The following ADAM22 variants were observed in gnomAD, a reference collection of about 807,000 sequenced individuals.
The protein encoded by ADAM22 is disintegrin and metalloproteinase domain-containing protein 22.
A neutral mutation model predicts 144.6 loss-of-function variants in ADAM22; 65 were observed. That is an observed-to-expected ratio of 0.45 (90% CI 0.37 to 0.55). The LOEUF (loss-of-function observed/expected upper bound fraction) is 0.55. Among genes scored for constraint, ADAM22 ranks in the 20% least tolerant of loss-of-function variants. The probability of loss-of-function intolerance (pLI) is 0.00; values close to 1 mark genes in which losing one functional copy is unlikely to be tolerated. For synonymous variants in ADAM22, 391 were observed against 412.6 expected (o/e 0.95, Z 0.63); for missense variants, 974 against 1,184.9 (o/e 0.82, Z 2.61).
At chr7:88,091,213 A>G (rs369366290) in intron 4 of ADAM22, among the ~76,000 whole-genome samples, 2 of 152,064 alleles carry the variant, frequency 1.3e-5, no homozygotes, top group African/African-American at 4.8e-5. Flanking sequence ...GGAAGAGTTA[A>G]CCTTTTCTCC....
intron 2 of ADAM22, among the ~76,000 whole-genome samples, chr7:87,973,846 C>G (rs755691906): frequency 1.3e-5 from 2 of 151,934 alleles, no homozygotes; most frequent in Non-Finnish European, 2.9e-5. Context: ...GGACAAAAAA[C>G]CAAACACCGC....
intron 2 of ADAM22, among the ~76,000 whole-genome samples, chr7:87,966,329 T>G (rs1041829945): frequency 6.6e-6 from 1 of 152,344 alleles, no homozygotes; most frequent in Middle Eastern, 3.4e-3. Flanking sequence ...CTATATTGTG[T>G]TGTTCTCAGA....
chr7:88,176,728 T>C (rs991759101), intron 26 of ADAM22, among the ~76,000 whole-genome samples: 1 of 152,150 alleles, frequency 6.6e-6, no homozygotes, highest in African/African-American at 2.4e-5. Context: ...TCAGTGCTCT[T>C]GTATAATAGC....
At position 88,201,837 on chromosome 7, in the gene ADAM22, T is replaced by C. The variant is rs1851226594; in HGVS notation, c.*5346T>C. On this transcript the variant is annotated 3_prime_UTR_variant, in exon 32 of 32. Transcript: ENST00000413139. ...CATCAATAAAGTTTCAAAGAGTTTA[T>C]GAAGAAAAGGTATTTTCCTTTCTTG... 1 of 152,230 alleles carries C rather than the reference T, an allele frequency of 6.6e-6. No homozygotes were observed. Among genetic ancestry groups the C allele is most frequent in the Non-Finnish European group, 1.5e-5 (1 of 68,042 alleles). 9.4% of individuals were successfully genotyped at this position (152,230 alleles called of 1,614,324 possible).
chr7:88,036,285 G>A (rs761431415), intron 3 of ADAM22, among the ~76,000 whole-genome samples: 36 of 152,170 alleles, frequency 2.4e-4, no homozygotes, highest in Non-Finnish European at 3.5e-4. Context: ...TTGATGCAAG[G>A]TTTATTGCCC....
At chr7:88,111,103 G>T (rs529325167) in intron 5 of ADAM22, among the ~76,000 whole-genome samples, 2 of 151,810 alleles carry the variant, frequency 1.3e-5, no homozygotes. Flanking sequence ...AAAACCTATC[G>T]TGTGTCTTGG....
chr7:88,034,811 C>T (rs1281882016), intron 3 of ADAM22, among the ~76,000 whole-genome samples: 8 of 152,266 alleles, frequency 5.3e-5, no homozygotes, highest in East Asian at 1.9e-4. Flanking sequence ...TGAATTCCAA[C>T]GCAAAGTCCC....
intron 3 of ADAM22, among the ~76,000 whole-genome samples, chr7:88,040,021 C>T (rs1802713703): frequency 6.6e-6 from 1 of 151,998 alleles, no homozygotes. Context: ...TAGATATTTG[C>T]TAAGCCTGAC....
chr7:88,198,479 A>C lies in ADAM22; in HGVS notation c.*1988A>C, dbSNP rs1449732367. 6.6e-6 allele frequency: 1 copy of C among 152,240 alleles called. No individual in the cohort carries two copies. Among genetic ancestry groups the C allele is most frequent in the Non-Finnish European group, 1.5e-5 (1 of 68,052 alleles). 9.4% of individuals were successfully genotyped at this position (152,240 alleles called of 1,614,324 possible). A position where few individuals can be genotyped will look rare whatever the true frequency, so the allele number is the denominator to read the frequency against. On this transcript the variant is annotated 3_prime_UTR_variant, in exon 32 of 32. Transcript: ENST00000413139. ...GTGTTGCCACATAGCTCAAGCCAAG[A>C]ACAGAAGGGCAGACAGATTGAAAGA...
intron 3 of ADAM22, among the ~76,000 whole-genome samples, chr7:88,022,633 T>A (rs950548774): frequency 4.6e-5 from 7 of 152,286 alleles, no homozygotes; most frequent in Admixed American, 3.9e-4. Flanking sequence ...GAAATTTAAT[T>A]TTTTTCATAT....
chr7:88,072,394 A>G (rs1230698458), intron 3 of ADAM22, among the ~76,000 whole-genome samples: 4 of 152,122 alleles, frequency 2.6e-5, no homozygotes, highest in African/African-American at 9.7e-5. Flanking sequence ...AGATTTTATT[A>G]TTATTATTAT....
chr7:88,141,918 A>G (rs1834806851), intron 14 of ADAM22, among the ~76,000 whole-genome samples: 1 of 152,216 alleles, frequency 6.6e-6, no homozygotes, highest in South Asian at 2.1e-4. Flanking sequence ...AAAAATTTCT[A>G]AAAGTAGAAT....
chr7:88,116,319 T>TGG (rs1453058811), intron 6 of ADAM22, among the ~76,000 whole-genome samples: 13 of 152,198 alleles, frequency 8.5e-5, no homozygotes, highest in Non-Finnish European at 4.4e-5. Context: ...TTTGGACATT[T>TGG]ACTTATACCA....
chr7:88,082,815 G>A (rs527499953), intron 4 of ADAM22, among the ~76,000 whole-genome samples: 102 of 151,968 alleles, frequency 6.7e-4, no homozygotes, highest in South Asian at 4.4e-3. Context: ...TTAGAATGGC[G>A]ATCATTAAAA....
intron 2 of ADAM22, among the ~76,000 whole-genome samples, chr7:87,974,134 A>T (rs899428826): frequency 2.0e-5 from 3 of 150,954 alleles, no homozygotes; most frequent in Non-Finnish European, 4.4e-5. Flanking sequence ...TCTCTACTAA[A>T]AAGAAAAAAA....
intron 3 of ADAM22, among the ~76,000 whole-genome samples, chr7:87,993,428 T>C (rs1163093435): frequency 2.0e-5 from 3 of 152,232 alleles, no homozygotes; most frequent in African/African-American, 7.2e-5. Context: ...ATGCTGTAAA[T>C]AGAAGAATAA....
At chr7:88,036,312 A>G (rs535875818) in intron 3 of ADAM22, among the ~76,000 whole-genome samples, 1 of 152,244 alleles carries the variant, frequency 6.6e-6, no homozygotes, top group Admixed American at 6.5e-5. Flanking sequence ...AAGTTCAGAA[A>G]TCCTCTAGTG....
chr7:87,957,442 T>G (rs1422803885), intron 2 of ADAM22, among the ~76,000 whole-genome samples: 1 of 152,148 alleles, frequency 6.6e-6, no homozygotes, highest in Non-Finnish European at 1.5e-5. Context: ...CAAAATTTAG[T>G]GTGGTTTGTT....
In ADAM22 at chr7:88,136,034, G is replaced by A; in HGVS notation, c.1220+3G>A. On this transcript the variant is annotated splice_donor_region_variant and intron_variant, in intron 14 of 31. Coordinates refer to ENST00000413139, the MANE Select transcript of ADAM22 (RefSeq NM_001324418.2). ...GGGTGCATAATGGGAGACACTGGGTGAGCCACTTGTATTTGAAAATAACTC... is the reference window on the plus strand; with the variant it reads ...GGGTGCATAATGGGAGACACTGGGTAAGCCACTTGTATTTGAAAATAACTC... 2 of 1,611,352 alleles carry A rather than the reference G, an allele frequency of 1.2e-6. No homozygotes were observed. Among genetic ancestry groups the A allele is most frequent in the Non-Finnish European group, 1.7e-6 (2 of 1,178,516 alleles).
Sources: allele counts gnomAD v4.1 joint callset (sites outside exome capture counted in the v4.1 genomes callset), GRCh38; gene constraint gnomAD v4.1.1; transcripts MANE v1.5; gene names NCBI Gene and HGNC (gene_info 2026-07-23, HGNC 2026-07-21).